Variants in ABCD3 observed in about 807,000 individuals in gnomAD.
ABCD3 encodes the protein ATP-binding cassette sub-family D member 3.
ABCD3 carries 41 observed loss-of-function variants against 105.5 expected under a neutral mutation model. The observed-to-expected ratio is 0.39, with a 90% CI of 0.30 to 0.50. The LOEUF (loss-of-function observed/expected upper bound fraction) is 0.50, where lower values mean the gene tolerates loss of function less well. Among genes scored for constraint, ABCD3 ranks in the 20% least tolerant of loss-of-function variants. The pLI is 0.84. For missense variants in ABCD3, 622 were observed against 806.3 expected (o/e 0.77, Z 2.77); for synonymous variants, 258 against 269.0 (o/e 0.96, Z 0.40).
intron 10 of ABCD3, among the ~76,000 whole-genome samples, chr1:94,487,136 A>G (rs1183894286): frequency 6.6e-6 from 1 of 152,086 alleles, no homozygotes; most frequent in Admixed American, 6.5e-5. Context: ...AAAGCAAAGC[A>G]TTCAGTGCCA....
chr1:94,487,426 G>A (rs1029645659), intron 10 of ABCD3, 116 bp from the exon 11 acceptor site: 10 of 892,186 alleles, frequency 1.1e-5, no homozygotes, highest in African/African-American at 3.3e-5. Flanking sequence ...CAGAAATCAC[G>A]GGCACTCAGT....
intron 2 of ABCD3, among the ~76,000 whole-genome samples, chr1:94,459,423 C>A (rs894740292): frequency 6.6e-6 from 1 of 152,036 alleles, no homozygotes; most frequent in Non-Finnish European, 1.5e-5. Context: ...TATGGCCTGA[C>A]TAGCATGGAA....
intron 13 of ABCD3, 98 bp from the exon 14 acceptor site, chr1:94,489,627 A>G (rs968256457): frequency 1.2e-6 from 1 of 834,924 alleles, no homozygotes. Context: ...TACTTCATTT[A>G]TACTAAATTA....
chr1:94,444,086 C>T (rs999504549), intron 1 of ABCD3, among the ~76,000 whole-genome samples: 32 of 151,976 alleles, frequency 2.1e-4, no homozygotes, highest in Admixed American at 5.9e-4. Context: ...GTAATCCCAG[C>T]ACTTTGGGAT....
chr1:94,416,489 T>C (rs1045999119), upstream of ABCD3, among the ~76,000 whole-genome samples: 5 of 152,202 alleles, frequency 3.3e-5, no homozygotes, highest in African/African-American at 1.2e-4. Context: ...TTGTGTTATC[T>C]GTGCCAGGCA....
intron 16 of ABCD3, 111 bp from the exon 17 acceptor site, chr1:94,498,491 A>C (rs1649933693): frequency 1.9e-6 from 2 of 1,075,946 alleles, no homozygotes; most frequent in Admixed American, 4.0e-5. Flanking sequence ...GACAAATAGA[A>C]GGCTTATAAT....
chr1:94,464,666 A>G, intron 2 of ABCD3, 109 bp from the exon 3 acceptor site: 2 of 939,876 alleles, frequency 2.1e-6, no homozygotes, highest in Admixed American at 1.9e-5. Context: ...TTGTAAATTC[A>G]GTTTTTATCT....
the ABCD3 span, among the ~76,000 whole-genome samples, chr1:94,412,391 G>A: frequency 1.3e-5 from 2 of 152,118 alleles, no homozygotes; most frequent in African/African-American, 4.8e-5. Context: ...TACAAATGGT[G>A]ATAAACTTTG....
chr1:94,431,906 G>A (rs562271181), intron 1 of ABCD3, among the ~76,000 whole-genome samples: 1 of 152,270 alleles, frequency 6.6e-6, no homozygotes, highest in East Asian at 1.9e-4. Flanking sequence ...CCCATCAACA[G>A]TGCCCAAGAT....
chr1:94,487,058 A>G (rs1411052502), intron 10 of ABCD3, among the ~76,000 whole-genome samples: 1 of 152,312 alleles, frequency 6.6e-6, no homozygotes, highest in African/African-American at 2.4e-5. Context: ...ACTGATTTAC[A>G]TTAGCACTCA....
At chr1:94,386,786 C>T in the ABCD3 span, among the ~76,000 whole-genome samples, 2 of 152,142 alleles carry the variant, frequency 1.3e-5, no homozygotes, top group African/African-American at 2.4e-5. Context: ...ACCCAAGAGG[C>T]GGAGGTTGCA....
chr1:94,385,520 A>T, the ABCD3 span, among the ~76,000 whole-genome samples: 1 of 152,228 alleles, frequency 6.6e-6, no homozygotes, highest in South Asian at 2.1e-4. Flanking sequence ...CCACCTGACC[A>T]GGAGCCACTG....
upstream of ABCD3, among the ~76,000 whole-genome samples, chr1:94,414,626 T>A (rs781326154): frequency 1.3e-5 from 2 of 152,138 alleles, no homozygotes; most frequent in Non-Finnish European, 2.9e-5. Context: ...CCCGGTTGGA[T>A]TGGTGTTTCA....
At chr1:94,443,533 G>A (rs1459446264) in intron 1 of ABCD3, among the ~76,000 whole-genome samples, 2 of 152,080 alleles carry the variant, frequency 1.3e-5, no homozygotes, top group East Asian at 3.8e-4. Flanking sequence ...CTTTGCCTAG[G>A]CCAATGGCTA....
At chr1:94,413,659 G>A (rs1159277140), upstream of ABCD3, among the ~76,000 whole-genome samples, 1 of 152,148 alleles carries the variant, frequency 6.6e-6, no homozygotes, top group African/African-American at 2.4e-5. Flanking sequence ...GTGCAGTTGG[G>A]TACCTATTCT....
intron 16 of ABCD3, among the ~76,000 whole-genome samples, chr1:94,497,974 G>A (rs1317161425): frequency 2.6e-5 from 4 of 152,130 alleles, no homozygotes; most frequent in African/African-American, 9.7e-5. Context: ...TTTTTTAAAA[G>A]AGACTGTGTA....
intron 21 of ABCD3, among the ~76,000 whole-genome samples, chr1:94,509,677 G>A (rs1463361367): frequency 3.3e-5 from 5 of 152,130 alleles, no homozygotes; most frequent in Non-Finnish European, 2.9e-5. Flanking sequence ...CCTGTTATTG[G>A]TCTATTCAGA....
At chr1:94,515,292 T>C in intron 22 of ABCD3, 90 bp downstream of exon 22, 1 of 1,086,064 alleles carries the variant, frequency 9.2e-7, no homozygotes. Flanking sequence ...TTTTATGGTT[T>C]GTATTCCCTT....
intron 1 of ABCD3, among the ~76,000 whole-genome samples, chr1:94,431,648 C>T (rs534787062): frequency 6.6e-6 from 1 of 152,216 alleles, no homozygotes; most frequent in African/African-American, 2.4e-5. Flanking sequence ...GCAGCCTTGA[C>T]TTCCTGGGCT....
Sources: gnomAD v4.1 joint callset for allele counts (sites outside exome capture counted in the v4.1 genomes callset) on GRCh38, gnomAD v4.1.1 for gene constraint, MANE v1.5 for transcripts, NCBI Gene and HGNC (gene_info 2026-07-23, HGNC 2026-07-21) for gene names.